The following MDN1 variants were observed in gnomAD, a reference collection of about 807,000 sequenced individuals.
The protein encoded by MDN1 is midasin AAA ATPase 1, also known as midasin.
MDN1 carries 266 observed loss-of-function variants against 669.2 expected under a neutral mutation model. That is an observed-to-expected ratio of 0.40 (90% CI 0.36 to 0.44). The LOEUF (loss-of-function observed/expected upper bound fraction) is 0.44, where lower values mean the gene tolerates loss of function less well. MDN1 is among the 20% of genes least tolerant of loss of function. The probability of loss-of-function intolerance (pLI) is 1.00; values close to 1 mark genes in which losing one functional copy is unlikely to be tolerated. For missense variants in MDN1, 5,940 were observed against 6,754.0 expected, an observed-to-expected ratio of 0.88 and a Z score of 4.22; for synonymous variants, 2,385 against 2,457.1, an observed-to-expected ratio of 0.97 and a Z score of 0.87.
chr6:89,759,561 C>T (rs1183901137), intron 17 of MDN1, among the ~76,000 whole-genome samples: 5 of 152,046 alleles, frequency 3.3e-5, no homozygotes, highest in Admixed American at 6.6e-5. Context: ...GTCAGGAGTT[C>T]GACACCAGCC....
chr6:89,723,146 A>C lies in MDN1; in HGVS notation c.5779-3T>G. Reference sequence around the variant, plus strand: ...TCAACAGTCACTTCATGATCAATCTAGAAAGAAAACATCCTGATTGGGAAA... The same window carrying C: ...TCAACAGTCACTTCATGATCAATCTCGAAAGAAAACATCCTGATTGGGAAA... On this transcript the variant is annotated splice_region_variant and splice_polypyrimidine_tract_variant and intron_variant, in intron 39 of 101. Transcript: ENST00000369393. 6.2e-7 allele frequency: 1 copy of C among 1,613,644 alleles called. No homozygotes were observed. The highest frequency in any genetic ancestry group is 8.5e-7 in the Non-Finnish European group (1 of 1,179,714).
chr6:89,729,283 C>T, intron 35 of MDN1, 144 bp from the exon 36 acceptor site: 1 of 669,986 alleles, frequency 1.5e-6, no homozygotes, highest in South Asian at 1.9e-5. Context: ...ATCCCTATTT[C>T]AATATTTCCC....
At chr6:89,767,229 A>C (rs988637908) in intron 15 of MDN1, among the ~76,000 whole-genome samples, 3 of 152,202 alleles carry the variant, frequency 2.0e-5, no homozygotes, top group Middle Eastern at 6.3e-3. Context: ...GCTTACCAGA[A>C]GCCCATGTTA....
intron 9 of MDN1, among the ~76,000 whole-genome samples, chr6:89,782,535 T>C (rs1818729951): frequency 6.6e-6 from 1 of 151,634 alleles, no homozygotes; most frequent in East Asian, 1.9e-4. Context: ...GAGGCTGCAG[T>C]GAGCTGAGCA....
At chr6:89,724,262 T>C (rs1815049375) in intron 38 of MDN1, among the ~76,000 whole-genome samples, 1 of 152,212 alleles carries the variant, frequency 6.6e-6, no homozygotes, top group Non-Finnish European at 1.5e-5. Context: ...TTTTTCCATA[T>C]GTTTGAAAGT....
In MDN1 at chr6:89,789,859, T is replaced by A. The variant is rs773924698; in HGVS notation, c.1151A>T (p.Gln384Leu). 1.2e-6 allele frequency: 2 copies of A among 1,613,984 alleles called. No individual in the cohort carries two copies. Among genetic ancestry groups the A allele is most frequent in the African/African-American group, 1.3e-5 (1 of 74,918 alleles). The change falls in exon 7 of 102, where the codon CAG (glutamine) becomes CTG (leucine). Residue 384 changes from glutamine to leucine, a missense_variant. Gln to Leu is a moderately radical substitution (Grantham distance 113, BLOSUM62 -2). Transcript: ENST00000369393. ...CTDVPGEFVW[Q>L]PGTLTQAATM... ...GGCTGCCTGTGTCAGGGTGCCAGGC[T>A]GCCACACAAACTCTCCAGGAACATC... is the stretch of plus-strand genomic sequence containing the variant.
chr6:89,664,277 T>C (rs569205842), intron 85 of MDN1, among the ~76,000 whole-genome samples: 4 of 152,130 alleles, frequency 2.6e-5, no homozygotes, highest in African/African-American at 4.8e-5. Flanking sequence ...AAAACATCAA[T>C]GTGAGAAGAA....
chr6:89,804,453 C>T (rs1191328097), intron 1 of MDN1, among the ~76,000 whole-genome samples: 3 of 152,128 alleles, frequency 2.0e-5, no homozygotes, highest in South Asian at 2.1e-4. Flanking sequence ...AAAAGCTACA[C>T]GACTTATCTG....
intron 78 of MDN1, 71 bp downstream of exon 78, chr6:89,675,393 C>G: frequency 7.7e-7 from 1 of 1,297,804 alleles, no homozygotes; most frequent in Non-Finnish European, 1.1e-6. Flanking sequence ...TCCCCACATG[C>G]AGCAACTCTG....
At chr6:89,747,191 A>G (rs1424270794) in intron 27 of MDN1, 138 bp downstream of exon 27, 1 of 960,142 alleles carries the variant, frequency 1.0e-6, no homozygotes, top group African/African-American at 1.7e-5. Flanking sequence ...AAAAGCTGTT[A>G]GAACTGGAGG....
At chr6:89,720,606 C>T (rs72915912) in intron 40 of MDN1, among the ~76,000 whole-genome samples, 19,549 of 152,118 alleles carry the variant, frequency 0.13, 1,714 homozygotes, top group Non-Finnish European at 0.19. Flanking sequence ...CTTCCACATA[C>T]CACAATGACC....
intron 56 of MDN1, 30 bp from the exon 57 acceptor site, chr6:89,700,324 G>C (rs1385165939): frequency 3.2e-6 from 5 of 1,543,308 alleles, no homozygotes; most frequent in Non-Finnish European, 4.5e-6. Flanking sequence ...TTGTATGAGA[G>C]CACAATGGTT....
chr6:89,785,131 GT>G lies in MDN1; in HGVS notation c.1335-6del, dbSNP rs138866352. 486 of 1,601,372 alleles carry G rather than the reference GT, an allele frequency of 3.0e-4. 2 individuals carry two copies. The African/African-American group carries it at 5.8e-3, about 19-fold the overall frequency. ...TTTCCTCCACAGCTCAAGAGTCTAC[GT>G]TTCAAAATAAAAAACACAGTCACAC... On this transcript the variant is annotated splice_region_variant and splice_polypyrimidine_tract_variant and intron_variant, in intron 8 of 101. Transcript: ENST00000369393.
At position 89,720,173 on chromosome 6, in the gene MDN1, CATAGG is replaced by C. The variant is rs1230104543; in HGVS notation, c.5968-953_5968-949del. On this transcript the variant is annotated intron_variant, in intron 40 of 101. Transcript: ENST00000369393. ...CATTGGACTGTGAGACTAAAAGCAGCATAGGAAAGTGTTCCTGTCACCTACCTATG... is the reference window on the plus strand; with the variant it reads ...CATTGGACTGTGAGACTAAAAGCAGCAAAGTGTTCCTGTCACCTACCTATG... Among the ~76,000 whole-genome samples the C allele has an allele frequency of 2.6e-5, 4 of 152,194 alleles. No individual in the cohort carries two copies. In the East Asian group the frequency reaches 7.7e-4, roughly 29 times the overall value.
Position 89,776,635 on chromosome 6 carries a change from C to A in MDN1, c.1786G>T (p.Val596Phe). 1 of 1,613,262 alleles carries A rather than the reference C, an allele frequency of 6.2e-7. No individual in the cohort carries two copies. The highest frequency in any genetic ancestry group is 8.5e-7 in the Non-Finnish European group (1 of 1,179,290). ...GAAATGTTCAATTTGCTTCCAATAA[C>A]TTCTGCCATTTTCAGTTTGCTTGTA... ...EHTSKLKMAE[V>F]IGSKLNISRK... The change falls in exon 12 of 102, where the codon GTT (valine) becomes TTT (phenylalanine). Residue 596 changes from valine (V) to phenylalanine (F), a missense_variant. By Grantham distance (50) the Val-to-Phe change is conservative. Coordinates refer to ENST00000369393, the MANE Select transcript of MDN1 (RefSeq NM_014611.3).
In MDN1 at chr6:89,672,366, G is replaced by A. The variant is rs1378056766; in HGVS notation, c.13631-3C>T. On this transcript the variant is annotated splice_polypyrimidine_tract_variant and splice_region_variant and intron_variant, in intron 81 of 101. Coordinates refer to ENST00000369393, the MANE Select transcript of MDN1 (RefSeq NM_014611.3). The stretch of plus-strand genomic sequence containing the variant: ...TGATTGCAGTCTCTCAAAGCCTGCT[G>A]CCTCATTCATTCAGAGAAAATAACA... 9 of 1,611,720 alleles carry A rather than the reference G, an allele frequency of 5.6e-6. No individual in the cohort carries two copies. Among genetic ancestry groups the A allele is most frequent in the African/African-American group, 1.3e-5 (1 of 74,898 alleles).
intron 12 of MDN1, 115 bp downstream of exon 12, chr6:89,776,485 A>G: frequency 2.8e-6 from 2 of 710,654 alleles, no homozygotes; most frequent in Non-Finnish European, 2.3e-6. Context: ...ACCAACTTTT[A>G]CAAAAGAGGT....
rs902543622 is a variant in MDN1, at chr6:89,753,715, T to C, written c.2965-93A>G. 3.0e-6 allele frequency: 3 copies of C among 1,012,734 alleles called. No individual in the cohort carries two copies. In the African/African-American group the frequency reaches 4.8e-5, roughly 16 times the overall value. 62.7% of individuals were successfully genotyped at this position (1,012,734 alleles called of 1,614,324 possible). ...GAACAAAATTTAACCTCTTGGGTGA[T>C]GCTGCTTCCCAACTTTTAAATATAG... is the stretch of plus-strand genomic sequence containing the variant. On this transcript the variant is annotated intron_variant, in intron 21 of 101. Coordinates refer to ENST00000369393, the MANE Select transcript of MDN1 (RefSeq NM_014611.3).
chr6:89,654,091 G>C (rs1456894293), intron 93 of MDN1, 73 bp downstream of exon 93: 6 of 1,527,458 alleles, frequency 3.9e-6, no homozygotes, highest in Non-Finnish European at 4.5e-6. Flanking sequence ...CACCAGACTA[G>C]ATTATAGTGA....
Sources: allele counts gnomAD v4.1 joint callset (sites outside exome capture counted in the v4.1 genomes callset), GRCh38; gene constraint gnomAD v4.1.1; transcripts MANE v1.5; gene names NCBI Gene and HGNC (gene_info 2026-07-23, HGNC 2026-07-21).